SFMBT2: variants seen among roughly 807,000 people sequenced by gnomAD.
The protein encoded by SFMBT2 is scm-like with four MBT domains protein 2.
In SFMBT2, 38 loss-of-function variants were observed where a neutral mutation model predicts 110.1. The observed-to-expected ratio is 0.35, with a 90% CI of 0.27 to 0.45. The LOEUF is 0.45. Ranked by LOEUF, SFMBT2 falls within the 20% of genes least tolerant of loss-of-function variation. SFMBT2 has a pLI of 1.00. For missense variants in SFMBT2, 1,011 were observed against 1,094.9 expected (o/e 0.92, Z 1.08); for synonymous variants, 425 against 425.4 (o/e 1.00, Z 0.01).
At chr10:7,196,899 T>G (rs2131593535) in intron 15 of SFMBT2, among the ~76,000 whole-genome samples, 1 of 152,264 alleles carries the variant, frequency 6.6e-6, no homozygotes, top group African/African-American at 2.4e-5. Flanking sequence ...AGAAGAAGCC[T>G]TCATCAACAT....
intron 7 of SFMBT2, among the ~76,000 whole-genome samples, chr10:7,257,626 G>C (rs182500947): frequency 2.0e-5 from 3 of 152,112 alleles, no homozygotes; most frequent in African/African-American, 7.3e-5. Context: ...AGACAGAAAA[G>C]AAAGAACATT....
At chr10:7,186,800 C>T (rs892553929) in intron 16 of SFMBT2, among the ~76,000 whole-genome samples, 3 of 152,230 alleles carry the variant, frequency 2.0e-5, no homozygotes, top group African/African-American at 7.2e-5. Context: ...GGTGACTCAA[C>T]ACACAGTATC....
intron 6 of SFMBT2, 83 bp from the exon 7 acceptor site, chr10:7,277,072 C>CT (rs2131825409): frequency 1.3e-6 from 1 of 771,006 alleles, no homozygotes; most frequent in Admixed American, 1.7e-5. Context: ...AATTCCCAGG[C>CT]TTTCCTGATA....
intron 4 of SFMBT2, among the ~76,000 whole-genome samples, chr10:7,313,774 T>C (rs990858702): frequency 6.6e-6 from 1 of 152,210 alleles, no homozygotes; most frequent in African/African-American, 2.4e-5. Flanking sequence ...TGAGCCACCA[T>C]GTCCAGCCAG....
rs35816107 is a variant in SFMBT2, at chr10:7,376,727, CAAAAAAAAAAA to C, written c.100+5061_100+5071del. 2.5e-3 allele frequency among the ~76,000 whole-genome samples: 111 copies of C among 44,728 alleles called. 6 individuals carry two copies. The East Asian group carries it at 0.038, about 15-fold the overall frequency. The allele number at this position is 44,728 out of a possible 152,430, so 29.3% of individuals were successfully genotyped here. On this transcript the variant is annotated intron_variant, in intron 2 of 20. Transcript: ENST00000397167. ...AAAAAAAAAAAAAAAGGCCCTCCCA[CAAAAAAAAAAA>C]AAAAAAAAAAAAAAAAAAAAGCCTG... is the stretch of plus-strand genomic sequence containing the variant.
At chr10:7,323,005 A>G (rs567641272) in intron 4 of SFMBT2, among the ~76,000 whole-genome samples, 90 of 152,318 alleles carry the variant, frequency 5.9e-4, no homozygotes, top group African/African-American at 2.2e-3. Context: ...GCAAAAGACA[A>G]CCTAAATGTC....
chr10:7,222,756 G>GCCTC (rs1839784240), intron 10 of SFMBT2, among the ~76,000 whole-genome samples: 2 of 151,630 alleles, frequency 1.3e-5, no homozygotes, highest in African/African-American at 4.9e-5. Context: ...TGCAACCTCT[G>GCCTC]CCTCCTGGGT....
chr10:7,230,751 C>T (rs12415385), intron 9 of SFMBT2, among the ~76,000 whole-genome samples: 32,362 of 151,938 alleles, frequency 0.21, 4,338 homozygotes, highest in South Asian at 0.37. Context: ...TGACCAACAT[C>T]GTAAAACCTT....
chr10:7,358,882 C>G (rs2132031563), intron 4 of SFMBT2, among the ~76,000 whole-genome samples: 2 of 152,234 alleles, frequency 1.3e-5, no homozygotes, highest in South Asian at 4.2e-4. Context: ...TCAGCATGTC[C>G]CTAGAACATC....
chr10:7,272,645 G>A lies in SFMBT2; in HGVS notation c.870+4247C>T, dbSNP rs117341997. On this transcript the variant is annotated intron_variant, in intron 7 of 20. Coordinates refer to ENST00000397167, the MANE Select transcript of SFMBT2 (RefSeq NM_001387889.1). ...CTTCTCTCCACGTGGCTCCTGGAAC[G>A]CTGGCAGTCAGACCTGGAGCCCCAG... Among the ~76,000 whole-genome samples, 878 of 152,260 alleles carry A rather than the reference G, an allele frequency of 5.8e-3. 4 individuals carry two copies. The highest frequency in any genetic ancestry group is 0.017 in the Middle Eastern group (5 of 294).
intron 17 of SFMBT2, among the ~76,000 whole-genome samples, chr10:7,173,415 T>G (rs1004191843): frequency 3.9e-5 from 6 of 152,166 alleles, no homozygotes; most frequent in African/African-American, 1.2e-4. Flanking sequence ...CAGCTCTTGG[T>G]CCGACCAAGA....
intron 7 of SFMBT2, among the ~76,000 whole-genome samples, chr10:7,255,960 C>T (rs1675011704): frequency 1.3e-5 from 2 of 152,194 alleles, no homozygotes; most frequent in Admixed American, 6.5e-5. Flanking sequence ...AATCTGAACC[C>T]AGAGACACGT....
intron 2 of SFMBT2, among the ~76,000 whole-genome samples, chr10:7,372,735 G>A (rs1230338389): frequency 3.9e-5 from 6 of 152,178 alleles, no homozygotes; most frequent in Admixed American, 2.6e-4. Context: ...TTTGCTTTCC[G>A]ATGCACTAGT....
chr10:7,180,754 G>A lies in SFMBT2; in HGVS notation c.1809-4589C>T, dbSNP rs188220573. On this transcript the variant is annotated intron_variant, in intron 16 of 20. Transcript: ENST00000397167. ...GGAGGGACGCAGGGGGGAGGCCGTC[G>A]CATGTGGGGACAGCTGTTGGGAGGG... Among the ~76,000 whole-genome samples the A allele has an allele frequency of 2.6e-4, 40 of 152,280 alleles. No homozygotes were observed. The East Asian group carries it at 7.0e-3, about 26-fold the overall frequency.
intron 16 of SFMBT2, among the ~76,000 whole-genome samples, chr10:7,187,902 T>C (rs1838467205): frequency 6.6e-6 from 1 of 152,230 alleles, no homozygotes; most frequent in Admixed American, 6.5e-5. Flanking sequence ...ACCTATTCTA[T>C]TTGAAACCCA....
At chr10:7,399,258 A>T (rs1846008534) in intron 1 of SFMBT2, among the ~76,000 whole-genome samples, 1 of 151,634 alleles carries the variant, frequency 6.6e-6, no homozygotes, top group African/African-American at 2.4e-5. Context: ...TTTGAGACGG[A>T]GTCTCGCTCT....
intron 8 of SFMBT2, among the ~76,000 whole-genome samples, chr10:7,248,240 T>C (rs1296339706): frequency 2.0e-5 from 3 of 152,352 alleles, no homozygotes; most frequent in African/African-American, 7.2e-5. Context: ...CTACTACCCA[T>C]GCAGGAAGAA....
intron 1 of SFMBT2, among the ~76,000 whole-genome samples, chr10:7,388,680 GGAT>G (rs1845687759): frequency 6.6e-6 from 1 of 151,674 alleles, no homozygotes; most frequent in Non-Finnish European, 1.5e-5. Flanking sequence ...CCCACCAGAA[GGAT>G]GATAATTATT....
chr10:7,334,536 C>T (rs1408351643), intron 4 of SFMBT2, among the ~76,000 whole-genome samples: 1 of 152,208 alleles, frequency 6.6e-6, no homozygotes, highest in Non-Finnish European at 1.5e-5. Context: ...AGGACCACAA[C>T]AGAGTGTTTG....
Sources: gnomAD v4.1 joint callset for allele counts (sites outside exome capture counted in the v4.1 genomes callset) on GRCh38, gnomAD v4.1.1 for gene constraint, MANE v1.5 for transcripts, NCBI Gene and HGNC (gene_info 2026-07-23, HGNC 2026-07-21) for gene names.